The following ADK variants were observed in gnomAD, a reference collection of about 807,000 sequenced individuals.
ADK encodes N6,N6-dimethyladenosine kinase.
A neutral mutation model predicts 44.7 loss-of-function variants in ADK; 24 were observed. That is an observed-to-expected ratio of 0.54 (90% CI 0.39 to 0.76). The LOEUF is 0.76. Among genes scored for constraint, ADK ranks in the 30% least tolerant of loss-of-function variants. The probability of loss-of-function intolerance (pLI) is 0.00; values close to 1 mark genes in which losing one functional copy is unlikely to be tolerated. For synonymous variants in ADK, 128 were observed against 142.6 expected (o/e 0.90, Z 0.73); for missense variants, 321 against 425.1 (o/e 0.76, Z 2.15).
intron 2 of ADK, among the ~76,000 whole-genome samples, chr10:74,204,266 T>A (rs1230842963): frequency 2.0e-5 from 3 of 152,110 alleles, no homozygotes; most frequent in African/African-American, 7.2e-5. Flanking sequence ...TAGGTCTTTT[T>A]AAAATAATTT....
intron 6 of ADK, among the ~76,000 whole-genome samples, chr10:74,409,414 CCT>C (rs1341172386): frequency 2.0e-5 from 3 of 152,144 alleles, no homozygotes; most frequent in Admixed American, 1.3e-4. Flanking sequence ...AAATTTGTAC[CCT>C]GTTTCATGGA....
intron 9 of ADK, among the ~76,000 whole-genome samples, chr10:74,618,375 C>T (rs1852856038): frequency 6.6e-6 from 1 of 152,130 alleles, no homozygotes; most frequent in South Asian, 2.1e-4. Flanking sequence ...ACTGCAGCCT[C>T]CACCTTCCAG....
chr10:74,601,939 G>GAAA (rs11447835), intron 9 of ADK, among the ~76,000 whole-genome samples: 88 of 139,244 alleles, frequency 6.3e-4, no homozygotes, highest in African/African-American at 2.2e-3. Context: ...AAAAAAAATG[G>GAAA]AAAAAAAAAA....
chr10:74,337,477 G>A (rs1841445224), intron 4 of ADK, among the ~76,000 whole-genome samples: 1 of 152,186 alleles, frequency 6.6e-6, no homozygotes, highest in Non-Finnish European at 1.5e-5. Context: ...GGAATGGTGG[G>A]AAAGGGTTAG....
chr10:74,538,005 C>G lies in ADK; in HGVS notation c.726+12579C>G, dbSNP rs1218841201. On this transcript the variant is annotated intron_variant, in intron 7 of 10. Coordinates refer to ENST00000539909, the MANE Select transcript of ADK (RefSeq NM_006721.4). ...GGTGCAGTGGCTCATGCCTGTAATC[C>G]CAGCACTTTGGGAGACCAAGGTGGG... Among the ~76,000 whole-genome samples the G allele has an allele frequency of 2.0e-5, 3 of 152,038 alleles. No homozygotes were observed. The East Asian group carries it at 5.8e-4, about 29-fold the overall frequency.
intron 7 of ADK, among the ~76,000 whole-genome samples, chr10:74,571,233 A>G (rs1487245309): frequency 1.3e-5 from 2 of 152,198 alleles, no homozygotes; most frequent in Non-Finnish European, 2.9e-5. Context: ...CATCAAGGAT[A>G]TTGGTCTAAA....
chr10:74,477,352 A>G (rs1846891635), intron 6 of ADK, among the ~76,000 whole-genome samples: 1 of 151,972 alleles, frequency 6.6e-6, no homozygotes, highest in South Asian at 2.1e-4. Flanking sequence ...TTACGGGTGC[A>G]TGCCACCAGG....
At chr10:74,210,018 C>T (rs1372382707) in intron 2 of ADK, among the ~76,000 whole-genome samples, 1 of 151,932 alleles carries the variant, frequency 6.6e-6, no homozygotes, top group East Asian at 1.9e-4. Context: ...GAAAGGAAAA[C>T]CATCAGTAGA....
intron 6 of ADK, among the ~76,000 whole-genome samples, chr10:74,483,888 A>G (rs1589157397): frequency 6.6e-6 from 1 of 152,212 alleles, no homozygotes; most frequent in African/African-American, 2.4e-5. Flanking sequence ...CCATAGCACT[A>G]TCAGCATTTA....
chr10:74,358,569 C>G (rs1006429646), intron 4 of ADK, among the ~76,000 whole-genome samples: 3 of 152,144 alleles, frequency 2.0e-5, no homozygotes, highest in African/African-American at 7.2e-5. Context: ...CAGTTTTATA[C>G]TAAAAACTCC....
In ADK at chr10:74,151,261, T is replaced by A. The variant is rs1294938895; in HGVS notation, c.-18T>A. On this transcript the variant is annotated 5_prime_UTR_variant, in exon 1 of 11. Transcript: ENST00000539909. ...GCAGAGGTGGGCTGTAGAGCCAAAG[T>A]GGGGTGGGAGCGCGAAGATGGCAGC... The A allele has an allele frequency of 5.2e-6, 8 of 1,548,564 alleles. No homozygotes were observed. In the East Asian group the frequency reaches 2.0e-4, roughly 38 times the overall value.
chr10:74,445,965 G>A (rs1442018063), intron 6 of ADK, among the ~76,000 whole-genome samples: 1 of 151,904 alleles, frequency 6.6e-6, no homozygotes, highest in East Asian at 1.9e-4. Context: ...AATTACTTCA[G>A]TAGTAATTCA....
chr10:74,465,253 G>A (rs968792466), intron 6 of ADK, among the ~76,000 whole-genome samples: 22 of 152,140 alleles, frequency 1.4e-4, no homozygotes, highest in Non-Finnish European at 2.8e-4. Context: ...CAAGTATAAA[G>A]TCTCTATGCC....
chr10:74,331,201 A>G (rs901397110), intron 4 of ADK, among the ~76,000 whole-genome samples: 3 of 152,220 alleles, frequency 2.0e-5, no homozygotes, highest in African/African-American at 7.2e-5. Context: ...TGCTTCTTAC[A>G]GATGGAAGGA....
At chr10:74,298,629 G>A (rs1474689645) in intron 3 of ADK, among the ~76,000 whole-genome samples, 1 of 152,102 alleles carries the variant, frequency 6.6e-6, no homozygotes, top group African/African-American at 2.4e-5. Flanking sequence ...TTTTAGGCCA[G>A]GTGTGGTGGC....
At chr10:74,176,723 A>C (rs1416559474) in intron 1 of ADK, 2 of 1,488,674 alleles carry the variant, frequency 1.3e-6, no homozygotes, top group Non-Finnish European at 1.8e-6. Flanking sequence ...CCGGCTAGCC[A>C]GGGGCCGCCC....
chr10:74,358,989 G>A (rs777149855), intron 4 of ADK, among the ~76,000 whole-genome samples: 4 of 152,048 alleles, frequency 2.6e-5, no homozygotes, highest in Admixed American at 6.5e-5. Context: ...AGTCTGGAGT[G>A]CATTGGTGCA....
chr10:74,520,014 A>G (rs1399225007), intron 6 of ADK, among the ~76,000 whole-genome samples: 2 of 151,904 alleles, frequency 1.3e-5, no homozygotes, highest in Non-Finnish European at 2.9e-5. Context: ...TAGATTTTCT[A>G]TGTATTTTTA....
intron 3 of ADK, among the ~76,000 whole-genome samples, chr10:74,235,128 C>CTTT (rs35193175): frequency 6.9e-5 from 9 of 130,118 alleles, no homozygotes; most frequent in East Asian, 2.2e-4. Flanking sequence ...GAAATTATCC[C>CTTT]TTTTTTTTTT....
Sources: allele counts gnomAD v4.1 joint callset (sites outside exome capture counted in the v4.1 genomes callset), GRCh38; gene constraint gnomAD v4.1.1; transcripts MANE v1.5; gene names NCBI Gene and HGNC (gene_info 2026-07-23, HGNC 2026-07-21).